The following ATG10 variants were observed in gnomAD, a reference collection of about 807,000 sequenced individuals.
ATG10 encodes the protein ubiquitin-like-conjugating enzyme ATG10.
In ATG10, 30 loss-of-function variants were observed where a neutral mutation model predicts 32.1. That is an observed-to-expected ratio of 0.94 (90% CI 0.70 to 1.27). The LOEUF (loss-of-function observed/expected upper bound fraction) is 1.27. ATG10 is among the 50% of genes most tolerant of loss of function. ATG10 has a pLI of 0.00. For missense variants in ATG10, 233 were observed against 262.3 expected (o/e 0.89, Z 0.77); for synonymous variants, 87 against 91.5 (o/e 0.95, Z 0.28).
In ATG10 at chr5:82,186,592, ATT is replaced by A. The variant is rs11287973; in HGVS notation, c.453+8023_453+8024del. ...CATGGTCAGGGTACTTTCCATATTC[ATT>A]TTTTTTTTTTTTTTTTTCAGACAGA... On this transcript the variant is annotated intron_variant, in intron 5 of 7. Transcript: ENST00000282185. Among the ~76,000 whole-genome samples the A allele has an allele frequency of 9.3e-3, 1,047 of 112,322 alleles. 11 individuals are homozygous for A. Among genetic ancestry groups the A allele is most frequent in the African/African-American group, 0.015 (414 of 28,388 alleles). 73.7% of individuals were successfully genotyped at this position (112,322 alleles called of 152,430 possible). A position where few individuals can be genotyped will look rare whatever the true frequency, so the allele number is the denominator to read the frequency against.
intron 3 of ATG10, among the ~76,000 whole-genome samples, chr5:82,128,354 A>G (rs969676243): frequency 6.4e-4 from 94 of 146,460 alleles, no homozygotes; most frequent in African/African-American, 2.0e-3. Flanking sequence ...TTATTTTGCC[A>G]GTTAGTTAAT....
intron 5 of ATG10, among the ~76,000 whole-genome samples, chr5:82,190,289 T>C (rs1370625183): frequency 6.6e-6 from 1 of 151,980 alleles, no homozygotes; most frequent in African/African-American, 2.4e-5. Flanking sequence ...GTTACCACTG[T>C]TAACCTTTCA....
In ATG10 at chr5:82,255,041, T is replaced by C. The variant is rs1473383326; in HGVS notation, c.*978T>C. 1 of 152,112 alleles carries C rather than the reference T, an allele frequency of 6.6e-6. No individual in the cohort carries two copies. The highest frequency in any genetic ancestry group is 1.9e-4 in the East Asian group (1 of 5,204). 9.4% of individuals were successfully genotyped at this position (152,112 alleles called of 1,614,324 possible). ...TAATTAGAAGTTTTCTAAAAAGCTA[T>C]AGGAGATATTTAAACATTAAAATTT... On this transcript the variant is annotated 3_prime_UTR_variant, in exon 8 of 8. Transcript: ENST00000282185.
chr5:82,089,635 C>T (rs1427809869), intron 3 of ATG10, among the ~76,000 whole-genome samples: 8 of 151,954 alleles, frequency 5.3e-5, no homozygotes, highest in Non-Finnish European at 1.2e-4. Flanking sequence ...AAATATAAAA[C>T]TGTAAAACTT....
At chr5:82,236,326 A>T (rs934420458) in intron 5 of ATG10, among the ~76,000 whole-genome samples, 3 of 152,246 alleles carry the variant, frequency 2.0e-5, no homozygotes, top group Non-Finnish European at 4.4e-5. Context: ...GCATATCAAA[A>T]TACAGAGAGA....
At chr5:82,043,845 T>G (rs1182189802) in intron 2 of ATG10, among the ~76,000 whole-genome samples, 1 of 152,152 alleles carries the variant, frequency 6.6e-6, no homozygotes, top group Non-Finnish European at 1.5e-5. Context: ...ATTGTCCATA[T>G]CACCATCACC....
At chr5:82,127,066 C>T (rs139245895) in intron 3 of ATG10, among the ~76,000 whole-genome samples, 25,424 of 150,982 alleles carry the variant, frequency 0.17, 124 homozygotes, top group Middle Eastern at 0.23. Context: ...AGTTTATTTG[C>T]ATAGAGGTGT....
chr5:82,036,068 A>G (rs535456345), intron 2 of ATG10, among the ~76,000 whole-genome samples: 205 of 152,264 alleles, frequency 1.3e-3, no homozygotes, highest in Non-Finnish European at 2.4e-3. Context: ...GTTTCAACCC[A>G]CTTGGAACTT....
chr5:82,065,723 A>T (rs1763924495), intron 3 of ATG10, among the ~76,000 whole-genome samples: 1 of 152,162 alleles, frequency 6.6e-6, no homozygotes, highest in African/African-American at 2.4e-5. Flanking sequence ...CTACTTTAAT[A>T]AACAGGAGCA....
intron 4 of ATG10, among the ~76,000 whole-genome samples, chr5:82,171,198 C>T (rs1253279125): frequency 2.6e-5 from 4 of 152,126 alleles, no homozygotes; most frequent in Admixed American, 1.3e-4. Context: ...ACATCACTTG[C>T]GTTATTCCAT....
chr5:82,178,681 T>C lies in ATG10; in HGVS notation c.453+94T>C, dbSNP rs1364007899. On this transcript the variant is annotated intron_variant, in intron 5 of 7. Transcript: ENST00000282185. ...TAGTTCCCTCTCCAACTCTTTTCCC[T>C]ATTTCACTTGTCTATATCTTTACAT... 8 of 833,040 alleles carry C rather than the reference T, an allele frequency of 9.6e-6. No homozygotes were observed. The East Asian group carries it at 1.8e-4, about 18-fold the overall frequency. 51.6% of individuals were successfully genotyped at this position (833,040 alleles called of 1,614,324 possible). A position where few individuals can be genotyped will look rare whatever the true frequency, so the allele number is the denominator to read the frequency against.
chr5:82,076,371 A>T (rs186670724), intron 3 of ATG10, among the ~76,000 whole-genome samples: 1 of 152,206 alleles, frequency 6.6e-6, no homozygotes, highest in Non-Finnish European at 1.5e-5. Flanking sequence ...GGCAATTTTA[A>T]TTGTAAAATC....
At chr5:81,997,482 A>C (rs1365194536) in intron 2 of ATG10, among the ~76,000 whole-genome samples, 1 of 152,264 alleles carries the variant, frequency 6.6e-6, no homozygotes, top group Non-Finnish European at 1.5e-5. Context: ...AAAAAGCCAG[A>C]GTTGTCTTCT....
At chr5:81,998,166 C>G (rs1380109493) in intron 2 of ATG10, among the ~76,000 whole-genome samples, 3 of 152,136 alleles carry the variant, frequency 2.0e-5, no homozygotes, top group African/African-American at 7.2e-5. Flanking sequence ...AAAAGGGAAC[C>G]CCATCAGGTT....
chr5:82,082,107 C>T (rs1236858155), intron 3 of ATG10, among the ~76,000 whole-genome samples: 1 of 152,104 alleles, frequency 6.6e-6, no homozygotes, highest in African/African-American at 2.4e-5. Flanking sequence ...GGGTTCCTCC[C>T]ATGACACATG....
chr5:82,061,842 T>TTA (rs1368215494), intron 3 of ATG10, among the ~76,000 whole-genome samples: 3 of 145,518 alleles, frequency 2.1e-5, no homozygotes, highest in Admixed American at 6.9e-5. Context: ...TTTTTTTTTT[T>TTA]ACAGGCAGGG....
chr5:82,035,517 C>T (rs1168134704), intron 2 of ATG10, among the ~76,000 whole-genome samples: 11 of 152,218 alleles, frequency 7.2e-5, no homozygotes, highest in African/African-American at 1.7e-4. Context: ...TCATTTTTCT[C>T]ATATGCTCTA....
At chr5:81,989,631 C>T (rs1761396552) in intron 2 of ATG10, among the ~76,000 whole-genome samples, 1 of 151,724 alleles carries the variant, frequency 6.6e-6, no homozygotes, top group Admixed American at 6.6e-5. Context: ...ACGAGTCTCG[C>T]TCTGTCGCCC....
chr5:82,111,142 T>G (rs2149814436), intron 3 of ATG10, among the ~76,000 whole-genome samples: 1 of 152,160 alleles, frequency 6.6e-6, no homozygotes, highest in Admixed American at 6.6e-5. Context: ...ATGGTATTTT[T>G]ATTTTATCAA....
Sources: allele counts gnomAD v4.1 joint callset (sites outside exome capture counted in the v4.1 genomes callset), GRCh38; gene constraint gnomAD v4.1.1; transcripts MANE v1.5; gene names NCBI Gene and HGNC (gene_info 2026-07-23, HGNC 2026-07-21).